CARD8: variants seen among roughly 807,000 people sequenced by gnomAD.
CARD8 encodes the protein caspase recruitment domain-containing protein 8.
In CARD8, 38 loss-of-function variants were observed where a neutral mutation model predicts 53.2. The ratio of observed to expected loss-of-function variants is 0.71; its 90% CI spans 0.55 to 0.94. The LOEUF is 0.94. Among genes scored for constraint, CARD8 ranks in the 40% least tolerant of loss-of-function variants. The pLI is 0.00. For missense variants in CARD8, 561 were observed against 655.5 expected, an observed-to-expected ratio of 0.86 and a Z score of 1.57; for synonymous variants, 245 against 244.9, an observed-to-expected ratio of 1.00 and a Z score of 0.00.
chr19:48,220,864 C>CCA, intron 11 of CARD8, among the ~76,000 whole-genome samples: 1 of 150,564 alleles, frequency 6.6e-6, no homozygotes, highest in East Asian at 2.0e-4. Flanking sequence ...TGGGCCAAGA[C>CCA]CACACCACTG....
chr19:48,243,170 G>A (rs748825878), intron 3 of CARD8, among the ~76,000 whole-genome samples: 3 of 151,980 alleles, frequency 2.0e-5, no homozygotes, highest in East Asian at 1.9e-4. Context: ...GAGCCATGAC[G>A]CCTGGCTAAT....
At position 48,211,578 on chromosome 19, in the gene CARD8, T is replaced by C; in HGVS notation, c.*132A>G. The C allele has an allele frequency of 1.2e-6, 1 of 852,494 alleles. No homozygotes were observed. Among genetic ancestry groups the C allele is most frequent in the Admixed American group, 2.5e-5 (1 of 40,024 alleles). The allele number at this position is 852,494 out of a possible 1,614,324, so 52.8% of individuals were successfully genotyped here. ...TACATGCCAGGTTACAAGTCTGTCCTGAAAGCCTGTGTGATAGATGTTACC... is the reference window on the plus strand; with the variant it reads ...TACATGCCAGGTTACAAGTCTGTCCCGAAAGCCTGTGTGATAGATGTTACC... On this transcript the variant is annotated 3_prime_UTR_variant, in exon 14 of 14. Transcript: ENST00000651546.
At chr19:48,215,933 T>C (rs2039187116) in intron 12 of CARD8, among the ~76,000 whole-genome samples, 1 of 152,102 alleles carries the variant, frequency 6.6e-6, no homozygotes, top group African/African-American at 2.4e-5. Context: ...TTTTGCAACA[T>C]GCCCCCCCCA....
rs898139743 is a variant in CARD8 at position 48,211,808 on chromosome 19, C to T, written c.1516G>A (p.Val506Met). 6.2e-6 allele frequency: 10 copies of T among 1,614,198 alleles called. No individual in the cohort carries two copies. Among genetic ancestry groups the T allele is most frequent in the Middle Eastern group, 1.6e-4 (1 of 6,062 alleles). ...QSKNEALLSM[V>M]EKKGDLALDV... The stretch of plus-strand genomic sequence containing the variant: ...AGGGCCAGGTCCCCTTTCTTCTCCA[C>T]CATGCTCAGCAAGGCCTCATTCTTG... The change falls in exon 14 of 14, where the codon GTG (valine) becomes ATG (methionine). Residue 506 changes from valine to methionine, a missense_variant. By Grantham distance (21) the Val-to-Met change is conservative (BLOSUM62 1). Transcript: ENST00000651546.
At chr19:48,222,747 C>A (rs2040925179) in intron 10 of CARD8, among the ~76,000 whole-genome samples, 1 of 151,366 alleles carries the variant, frequency 6.6e-6, no homozygotes, top group African/African-American at 2.4e-5. Flanking sequence ...GGAATTCAAA[C>A]AAAACCTTTC....
rs995277526 is a variant in CARD8, at chr19:48,238,418, A to T, written c.174T>A (p.Ile58=). 1 of 1,536,160 alleles carries T rather than the reference A, an allele frequency of 6.5e-7. No homozygotes were observed. The highest frequency in any genetic ancestry group is 8.7e-7 in the Non-Finnish European group (1 of 1,146,904). Reference sequence around the variant, plus strand: ...TCACACAGGCCTCAGCCTGAAAAAAAATTCCAGTTTTTGTGTATTGCAGTT... The same window carrying T: ...TCACACAGGCCTCAGCCTGAAAAAATATTCCAGTTTTTGTGTATTGCAGTT... The part of the protein sequence containing the change: ...IRELQYTKTG[I]FFQAEACVTN... Residue 58 remains isoleucine, a synonymous_variant, in exon 5 of 14, where the codon ATT becomes ATA. Transcript: ENST00000651546.
At chr19:48,233,513 C>A in intron 6 of CARD8, 1 of 396,376 alleles carries the variant, frequency 2.5e-6, no homozygotes, top group Non-Finnish European at 5.0e-6. Flanking sequence ...AGACTGGTTG[C>A]TGTCTGCGGC....
downstream of CARD8, among the ~76,000 whole-genome samples, chr19:48,205,578 A>C (rs2037313517): frequency 6.6e-6 from 1 of 152,130 alleles, no homozygotes; most frequent in African/African-American, 2.4e-5. Flanking sequence ...ACTTGTACCC[A>C]TCTCTGCTTT....
chr19:48,248,186 G>A (rs2046420269), intron 3 of CARD8, among the ~76,000 whole-genome samples: 1 of 151,922 alleles, frequency 6.6e-6, no homozygotes, highest in Non-Finnish European at 1.5e-5. Context: ...TGTGACATTG[G>A]AAATTTTAAA....
At chr19:48,253,062 A>G (rs531742934) in intron 1 of CARD8, among the ~76,000 whole-genome samples, 1 of 152,324 alleles carries the variant, frequency 6.6e-6, no homozygotes, top group African/African-American at 2.4e-5. Context: ...ACATACATCC[A>G]TGATCTAAAC....
intron 10 of CARD8, chr19:48,223,700 T>C (rs2041155195): frequency 2.8e-6 from 1 of 363,210 alleles, no homozygotes; most frequent in Non-Finnish European, 5.4e-6. Flanking sequence ...CAGATTTCTG[T>C]AGGTGTTGAG....
At chr19:48,255,928 G>A (rs12983409), upstream of CARD8, 5,945 of 152,304 alleles carry the variant, frequency 0.039, 191 homozygotes, top group African/African-American at 0.084. Context: ...GGCTTTCTGA[G>A]AACTGAGGGA....
chr19:48,253,709 A>T (rs2047222801), intron 1 of CARD8, among the ~76,000 whole-genome samples: 1 of 152,240 alleles, frequency 6.6e-6, no homozygotes, highest in South Asian at 2.1e-4. Flanking sequence ...CTAAGTATAA[A>T]GTAGATCACT....
chr19:48,230,799 G>T lies in CARD8; in HGVS notation c.750C>A (p.Leu250=), dbSNP rs758537107. 1.9e-6 allele frequency: 3 copies of T among 1,614,182 alleles called. No individual in the cohort carries two copies. The highest frequency in any genetic ancestry group is 2.5e-6 in the Non-Finnish European group (3 of 1,180,034). The change falls in exon 9 of 14, where the codon CTC becomes CTA. Residue 250 remains leucine, a synonymous_variant. Transcript: ENST00000651546. ...TACCTTGGAGGGAGATGAAGTGGGG[G>T]AGGTGGATTTCGGCGACAGCCTCCT... ...EPEEAVAEIH[L]PHFISLQAGE...
intron 10 of CARD8, among the ~76,000 whole-genome samples, chr19:48,228,523 G>GGT (rs1253800308): frequency 6.6e-6 from 1 of 152,166 alleles, no homozygotes; most frequent in East Asian, 1.9e-4. Context: ...TCTAAGGAAG[G>GGT]GTGGCAAGGT....
In CARD8 at chr19:48,218,740, T is replaced by C. The variant is rs1600159752; in HGVS notation, c.1303+131A>G. On this transcript the variant is annotated intron_variant, in intron 12 of 13. Coordinates refer to ENST00000651546, the MANE Select transcript of CARD8 (RefSeq NM_001184900.3). ...TGTTCCCCTCCCTGTGTCCATGTGT[T>C]TTAACACTGACAATAGATTTCTTTT... 3 of 1,024,034 alleles carry C rather than the reference T, an allele frequency of 2.9e-6. No individual in the cohort carries two copies. The East Asian group carries it at 7.2e-5, about 24-fold the overall frequency. 63.4% of individuals were successfully genotyped at this position (1,024,034 alleles called of 1,614,324 possible). A position where few individuals can be genotyped will look rare whatever the true frequency, so the allele number is the denominator to read the frequency against.
chr19:48,218,374 TCAG>T (rs1568673666), intron 12 of CARD8, among the ~76,000 whole-genome samples: 1 of 76,286 alleles, frequency 1.3e-5, no homozygotes. Context: ...TTTTTTTTTT[TCAG>T]ATGGAGTTTC....
At chr19:48,236,015 T>G (rs1316770423) in intron 5 of CARD8, among the ~76,000 whole-genome samples, 1 of 152,228 alleles carries the variant, frequency 6.6e-6, no homozygotes, top group African/African-American at 2.4e-5. Flanking sequence ...TCAGCAATTC[T>G]GATTAAAGTA....
At chr19:48,222,107 G>A (rs1182600560) in intron 10 of CARD8, among the ~76,000 whole-genome samples, 1 of 152,178 alleles carries the variant, frequency 6.6e-6, no homozygotes, top group Non-Finnish European at 1.5e-5. Flanking sequence ...AGGATTTCTT[G>A]TGAATGTGAA....
Sources: allele counts gnomAD v4.1 joint callset (sites outside exome capture counted in the v4.1 genomes callset), GRCh38; gene constraint gnomAD v4.1.1; transcripts MANE v1.5; gene names NCBI Gene and HGNC (gene_info 2026-07-23, HGNC 2026-07-21).